The following NCR1 variants were observed in gnomAD, a reference collection of about 807,000 sequenced individuals.
NCR1 encodes the protein NK cell-activating receptor.
Under a neutral mutation model 32.5 loss-of-function variants are expected in NCR1, and 30 were observed. The observed-to-expected ratio is 0.92, with a 90% CI of 0.69 to 1.25. NCR1 has a LOEUF of 1.25. Among genes scored for constraint, NCR1 ranks in the 50% most tolerant of loss-of-function variants. NCR1 has a pLI of 0.00. For synonymous variants in NCR1, 169 were observed against 143.4 expected, an observed-to-expected ratio of 1.18 and a Z score of -1.28; for missense variants, 369 against 380.7, an observed-to-expected ratio of 0.97 and a Z score of 0.26.
In NCR1 at chr19:54,912,840, G is replaced by A. The variant is rs1188836860; in HGVS notation, c.884G>A (p.Gly295Asp). ...ERASRASTWE[G>D]RRRLNTQTL Reference sequence around the variant, plus strand: ...GCCAGCAGAGCTTCCACTTGGGAAGGCAGGAGAAGGCTGAACACACAGACT... The same window carrying A: ...GCCAGCAGAGCTTCCACTTGGGAAGACAGGAGAAGGCTGAACACACAGACT... Residue 295 changes from glycine to aspartate, a missense_variant, in exon 7 of 7, where the codon GGC becomes GAC. By Grantham distance (94) the Gly-to-Asp change is moderately conservative. Transcript: ENST00000291890. The A allele has an allele frequency of 2.5e-6, 4 of 1,613,822 alleles. No individual in the cohort carries two copies. The African/African-American group carries it at 4.0e-5, about 16-fold the overall frequency.
chr19:54,936,313 G>C, the NCR1 span: 164 of 1,614,026 alleles, frequency 1.0e-4, no homozygotes, highest in Admixed American at 2.7e-3. Flanking sequence ...CACAGCATCA[G>C]CATCATCGTG....
the NCR1 span, among the ~76,000 whole-genome samples, chr19:54,924,919 A>G: frequency 2.0e-5 from 3 of 152,222 alleles, no homozygotes; most frequent in African/African-American, 7.2e-5. Flanking sequence ...CCCGGGTGAC[A>G]GAGCGAGACT....
downstream of NCR1, among the ~76,000 whole-genome samples, chr19:54,919,713 G>GT: frequency 2.8e-5 from 3 of 107,796 alleles, no homozygotes; most frequent in African/African-American, 8.2e-5. Context: ...GGGAAAGGGA[G>GT]ACCCCCCCCC....
chr19:54,907,641 T>A (rs1379592803), intron 3 of NCR1, among the ~76,000 whole-genome samples: 1 of 152,028 alleles, frequency 6.6e-6, no homozygotes, highest in East Asian at 1.9e-4. Flanking sequence ...AGGAAGGCTA[T>A]GATGTCATCA....
intron 6 of NCR1, 118 bp downstream of exon 6, chr19:54,912,336 C>T (rs2068014991): frequency 5.0e-6 from 5 of 999,724 alleles, no homozygotes; most frequent in Non-Finnish European, 6.2e-6. Flanking sequence ...GTAGCTCACA[C>T]CTGTAATCTC....
intron 3 of NCR1, 87 bp downstream of exon 3, chr19:54,906,894 A>G: frequency 6.8e-7 from 1 of 1,470,762 alleles, no homozygotes; most frequent in East Asian, 2.3e-5. Flanking sequence ...AGCCCCACTC[A>G]GACACTGCTT....
chr19:54,902,725 C>G (rs2067321854), upstream of NCR1, among the ~76,000 whole-genome samples: 1 of 152,122 alleles, frequency 6.6e-6, no homozygotes, highest in Non-Finnish European at 1.5e-5. Flanking sequence ...TAAGTCTCCT[C>G]CATAGAGGGC....
At chr19:54,916,933 C>T (rs531712416), downstream of NCR1, among the ~76,000 whole-genome samples, 3 of 151,858 alleles carry the variant, frequency 2.0e-5, no homozygotes, top group Non-Finnish European at 4.4e-5. Context: ...ACCTGTGCTC[C>T]CCACCCGCTA....
At chr19:54,907,361 G>A (rs2067685573) in intron 3 of NCR1, among the ~76,000 whole-genome samples, 1 of 150,772 alleles carries the variant, frequency 6.6e-6, no homozygotes, top group Non-Finnish European at 1.5e-5. Flanking sequence ...ATGTTGGCCA[G>A]GGTGGTGTCG....
At chr19:54,899,840 A>G in the NCR1 span, among the ~76,000 whole-genome samples, 1 of 152,146 alleles carries the variant, frequency 6.6e-6, no homozygotes, top group Non-Finnish European at 1.5e-5. Flanking sequence ...GTGATTAAAC[A>G]CCAAGGGAAG....
the NCR1 span, chr19:54,938,007 G>C: frequency 1.3e-5 from 19 of 1,508,500 alleles, no homozygotes; most frequent in Non-Finnish European, 1.7e-5. Flanking sequence ...CTTAGTCATC[G>C]TTCAGGGTCT....
chr19:54,903,630 C>T (rs1223462036), upstream of NCR1, among the ~76,000 whole-genome samples: 1 of 140,396 alleles, frequency 7.1e-6, no homozygotes, highest in African/African-American at 2.6e-5. Flanking sequence ...ATGTACGGTA[C>T]TATGCAGTAT....
downstream of NCR1, among the ~76,000 whole-genome samples, chr19:54,914,403 A>G (rs2068090494): frequency 6.6e-6 from 1 of 151,916 alleles, no homozygotes; most frequent in African/African-American, 2.4e-5. Flanking sequence ...CAGTGGTGCA[A>G]TCTTGGCTCA....
At chr19:54,911,421 AAG>A (rs1438398791) in intron 5 of NCR1, among the ~76,000 whole-genome samples, 1 of 128,720 alleles carries the variant, frequency 7.8e-6, no homozygotes, top group African/African-American at 2.7e-5. Context: ...TGTGAGGAGA[AAG>A]AGGTAATGAT....
upstream of NCR1, among the ~76,000 whole-genome samples, chr19:54,901,238 C>T (rs183800790): frequency 2.0e-5 from 3 of 148,622 alleles, no homozygotes; most frequent in Admixed American, 6.8e-5. Context: ...TGCAGTGAGT[C>T]GAGATTGCGC....
rs1431252383 is a variant in NCR1, at chr19:54,909,461, T to C, written c.572T>C (p.Phe191Ser). The C allele has an allele frequency of 8.1e-6, 13 of 1,612,048 alleles. No homozygotes were observed. The South Asian group carries it at 1.4e-4, about 18-fold the overall frequency. ...GCCCACAGAGGGACATACCGATGTT[T>C]TGGCTCCTATAACAACCATGCCTGG... ...TTAHRGTYRC[F>S]GSYNNHAWSF... The change falls in exon 4 of 7, where the codon TTT (phenylalanine) becomes TCT (serine). Residue 191 changes from phenylalanine to serine, a missense_variant. Transcript: ENST00000291890.
the NCR1 span, chr19:54,930,535 G>A: frequency 3.7e-6 from 6 of 1,610,218 alleles, no homozygotes; most frequent in Non-Finnish European, 4.2e-6. Context: ...ATTCTCTAAT[G>A]CCTGACAGAG....
downstream of NCR1, among the ~76,000 whole-genome samples, chr19:54,914,804 A>G (rs1339741721): frequency 1.3e-5 from 2 of 151,352 alleles, no homozygotes; most frequent in African/African-American, 2.4e-5. Context: ...CAGTGGCACA[A>G]TCTCAGCTCA....
At chr19:54,921,727 G>A in the NCR1 span, among the ~76,000 whole-genome samples, 2 of 135,736 alleles carry the variant, frequency 1.5e-5, no homozygotes, top group African/African-American at 5.6e-5. Context: ...AGCCAAGATC[G>A]CACCACTGCA....
Sources: allele counts gnomAD v4.1 joint callset (sites outside exome capture counted in the v4.1 genomes callset), GRCh38; gene constraint gnomAD v4.1.1; transcripts MANE v1.5; gene names NCBI Gene and HGNC (gene_info 2026-07-23, HGNC 2026-07-21).